Variants in ADAMTS2 observed in about 807,000 individuals in gnomAD.
The protein encoded by ADAMTS2 is ADAM metallopeptidase with thrombospondin type 1 motif 2.
A neutral mutation model predicts 123.0 loss-of-function variants in ADAMTS2; 50 were observed. That is an observed-to-expected ratio of 0.41 (90% CI 0.32 to 0.51). The LOEUF (loss-of-function observed/expected upper bound fraction) is 0.51. ADAMTS2 is among the 20% of genes least tolerant of loss of function. ADAMTS2 has a pLI of 0.35. For synonymous variants in ADAMTS2, 678 were observed against 695.4 expected, an observed-to-expected ratio of 0.98 and a Z score of 0.39; for missense variants, 1,494 against 1,705.2, an observed-to-expected ratio of 0.88 and a Z score of 2.18.
rs991136013 is a variant in ADAMTS2, at chr5:179,181,639, A to G, written c.892-484T>C. On this transcript the variant is annotated intron_variant, in intron 4 of 21. Coordinates refer to ENST00000251582, the MANE Select transcript of ADAMTS2 (RefSeq NM_014244.5). This position sits in a 1 kb window ranked among gnomAD's most constrained non-coding sequence, Gnocchi z 4.1. The stretch of plus-strand genomic sequence containing the variant: ...AAATGGGGGCGGTTCTAGGCCCACC[A>G]CCAGGTATAATGTTTTAACGTGTTA... 6.6e-6 allele frequency among the ~76,000 whole-genome samples: 1 copy of G among 152,202 alleles called. No individual in the cohort carries two copies. The highest frequency in any genetic ancestry group is 1.5e-5 in the Non-Finnish European group (1 of 68,036).
chr5:179,191,156 C>T lies in ADAMTS2; in HGVS notation c.892-10001G>A, dbSNP rs146167137. On this transcript the variant is annotated intron_variant, in intron 4 of 21. Transcript: ENST00000251582. ...CCTCAGGCCAGAGCCCAGTGTCCCC[C>T]AGGGGCCTCTCGGCCACTGCGAGCC... Among the ~76,000 whole-genome samples, 743 of 152,344 alleles carry T rather than the reference C, an allele frequency of 4.9e-3. 9 individuals carry two copies. Among genetic ancestry groups the T allele is most frequent in the African/African-American group, 0.017 (715 of 41,590 alleles).
chr5:179,243,562 A>T (rs1238512484), intron 3 of ADAMTS2, among the ~76,000 whole-genome samples: 3 of 152,200 alleles, frequency 2.0e-5, no homozygotes, highest in Non-Finnish European at 4.4e-5. Flanking sequence ...AACTGCAAAC[A>T]GCCTCAGAGA....
chr5:179,251,985 C>T lies in ADAMTS2; in HGVS notation c.688+20926G>A, dbSNP rs575092318. Among the ~76,000 whole-genome samples, 3 of 151,320 alleles carry T rather than the reference C, an allele frequency of 2.0e-5. No individual in the cohort carries two copies. In the South Asian group the frequency reaches 6.3e-4, roughly 32 times the overall value. On this transcript the variant is annotated intron_variant, in intron 3 of 21. Transcript: ENST00000251582. ...CAGAACTCAGAGGTTTTGTGTCTCA[C>T]TGATTTTTTTTTCTTTTTCTTTTCT...
intron 4 of ADAMTS2, among the ~76,000 whole-genome samples, chr5:179,194,503 G>A (rs1178389231): frequency 6.6e-6 from 1 of 152,222 alleles, no homozygotes; most frequent in East Asian, 1.9e-4. Flanking sequence ...CGGATGGCCT[G>A]CGGGGAGAGG....
At chr5:179,136,685 AAAAG>A (rs1001780466) in intron 12 of ADAMTS2, among the ~76,000 whole-genome samples, 2 of 148,112 alleles carry the variant, frequency 1.4e-5, no homozygotes, top group African/African-American at 5.0e-5. Context: ...AAAAAAAAAA[AAAAG>A]GCCAGGAGCA....
intron 2 of ADAMTS2, among the ~76,000 whole-genome samples, chr5:179,277,348 GAGACCAAAGGCTGACAC>G (rs1766734806): frequency 5.6e-5 from 1 of 17,732 alleles, no homozygotes; most frequent in Non-Finnish European, 8.2e-5. Flanking sequence ...TGACCCCCCT[GAGACCAAAGGCTGACAC>G]CCCCCGAGAC....
At chr5:179,220,443 C>T (rs1329373690) in intron 3 of ADAMTS2, among the ~76,000 whole-genome samples, 4 of 152,152 alleles carry the variant, frequency 2.6e-5, no homozygotes, top group Non-Finnish European at 5.9e-5. Context: ...GGCATTGCTC[C>T]CCGGAAGGCC....
At chr5:179,161,320 G>A (rs1246442727) in intron 5 of ADAMTS2, among the ~76,000 whole-genome samples, 2 of 152,164 alleles carry the variant, frequency 1.3e-5, no homozygotes, top group East Asian at 1.9e-4. Context: ...AGGGAAACTC[G>A]GGGTGGATGT....
intron 3 of ADAMTS2, among the ~76,000 whole-genome samples, chr5:179,251,354 C>G (rs1765919888): frequency 6.6e-6 from 1 of 152,134 alleles, no homozygotes; most frequent in Non-Finnish European, 1.5e-5. Context: ...TCAGCAAGGA[C>G]CCAATGTAGA....
chr5:179,223,368 A>G (rs1023867443), intron 3 of ADAMTS2, among the ~76,000 whole-genome samples: 1 of 131,884 alleles, frequency 7.6e-6, no homozygotes, highest in Non-Finnish European at 1.8e-5. Context: ...TCAGACACTC[A>G]CAAACACGCA....
chr5:179,304,771 C>T (rs546435971), intron 2 of ADAMTS2, among the ~76,000 whole-genome samples: 3 of 152,284 alleles, frequency 2.0e-5, no homozygotes, highest in East Asian at 1.9e-4. Flanking sequence ...GAATGTATTA[C>T]TAAACAAATA....
chr5:179,221,358 C>T (rs1176677943), intron 3 of ADAMTS2, among the ~76,000 whole-genome samples: 1 of 152,170 alleles, frequency 6.6e-6, no homozygotes, highest in Non-Finnish European at 1.5e-5. Context: ...GCACCTGGTC[C>T]AGCAGCCAAG....
rs1259622944 is a variant in ADAMTS2 at position 179,256,043 on chromosome 5, G to A, written c.688+16868C>T. ...CCACCAGTCTCCTTCTCTGTCCCCA[G>A]CCTCTCCCGCAGCTTGGCCTTGGTC... On this transcript the variant is annotated intron_variant, in intron 3 of 21. Transcript: ENST00000251582. This position sits in a 1 kb window ranked among gnomAD's most constrained non-coding sequence, Gnocchi z 4.1. Among the ~76,000 whole-genome samples the A allele has an allele frequency of 2.0e-5, 3 of 152,170 alleles. No individual in the cohort carries two copies. The highest frequency in any genetic ancestry group is 2.9e-5 in the Non-Finnish European group (2 of 68,040).
intron 15 of ADAMTS2, among the ~76,000 whole-genome samples, chr5:179,131,306 CAAAA>C (rs553125844): frequency 2.6e-4 from 6 of 22,658 alleles, no homozygotes; most frequent in Non-Finnish European, 5.5e-4. Flanking sequence ...GAGCGAGACT[CAAAA>C]AAAAAAAAAA....
chr5:179,188,972 G>A lies in ADAMTS2; in HGVS notation c.892-7817C>T, dbSNP rs1028479100. On this transcript the variant is annotated intron_variant, in intron 4 of 21. Transcript: ENST00000251582. This position sits in a 1 kb window ranked among gnomAD's most constrained non-coding sequence, Gnocchi z 5.1. ...AAGAGGCTGCCCCTCCCCCTCTCCTGAATTTGGGGGGTTAGCAGAGTGTGG... is the reference window on the plus strand; with the variant it reads ...AAGAGGCTGCCCCTCCCCCTCTCCTAAATTTGGGGGGTTAGCAGAGTGTGG... 6.6e-6 allele frequency among the ~76,000 whole-genome samples: 1 copy of A among 152,140 alleles called. No individual in the cohort carries two copies. The highest frequency in any genetic ancestry group is 2.4e-5 in the African/African-American group (1 of 41,446).
chr5:179,127,905 C>G lies in ADAMTS2; in HGVS notation c.2617+54G>C. 4 of 1,609,702 alleles carry G rather than the reference C, an allele frequency of 2.5e-6. No homozygotes were observed. The South Asian group carries it at 4.4e-5, about 18-fold the overall frequency. ...GCCCCACCCCAGGGATGCTCCCTAC[C>G]TTCTCGTGGTCACCCTCATGTCACC... On this transcript the variant is annotated intron_variant, in intron 17 of 21. Coordinates refer to ENST00000251582, the MANE Select transcript of ADAMTS2 (RefSeq NM_014244.5).
chr5:179,148,753 G>A (rs558607392), intron 10 of ADAMTS2, among the ~76,000 whole-genome samples: 1 of 152,234 alleles, frequency 6.6e-6, no homozygotes, highest in Non-Finnish European at 1.5e-5. Context: ...TCATTCTCAT[G>A]CCTTGCTAAA....
At chr5:179,330,080 T>C (rs1205445620) in intron 2 of ADAMTS2, among the ~76,000 whole-genome samples, 2 of 145,108 alleles carry the variant, frequency 1.4e-5, no homozygotes, top group Non-Finnish European at 3.0e-5. Context: ...GAGCCGAGAT[T>C]GCGCCACTGC....
intron 10 of ADAMTS2, among the ~76,000 whole-genome samples, chr5:179,140,813 T>C (rs1763151833): frequency 7.0e-6 from 1 of 142,066 alleles, no homozygotes; most frequent in Admixed American, 7.0e-5. Context: ...TTTTTTTTTT[T>C]TTTTTGAGAC....
Sources: gnomAD v4.1 joint callset for allele counts (sites outside exome capture counted in the v4.1 genomes callset) on GRCh38, gnomAD v4.1.1 for gene constraint, Gnocchi (gnomAD v3.1) non-coding constraint, MANE v1.5 for transcripts, NCBI Gene and HGNC (gene_info 2026-07-23, HGNC 2026-07-21) for gene names.